The following FARP2 variants were observed in gnomAD, a reference collection of about 807,000 sequenced individuals.
FARP2 encodes FERM, ARH/RhoGEF and pleckstrin domain protein 2.
FARP2 carries 111 observed loss-of-function variants against 130.5 expected under a neutral mutation model. The observed-to-expected ratio is 0.85, with a 90% confidence interval of 0.73 to 1.00. FARP2 has a LOEUF of 1.00. Among genes scored for constraint, FARP2 ranks in the 50% least tolerant of loss-of-function variants. FARP2 has a pLI of 0.00. For synonymous variants in FARP2, 504 were observed against 516.9 expected, an observed-to-expected ratio of 0.98 and a Z score of 0.34; for missense variants, 1,385 against 1,346.3, an observed-to-expected ratio of 1.03 and a Z score of -0.45.
intron 2 of FARP2, among the ~76,000 whole-genome samples, chr2:241,382,923 A>ACTG (rs2061695011): frequency 6.6e-6 from 1 of 152,212 alleles, no homozygotes; most frequent in Admixed American, 6.5e-5. Flanking sequence ...TTTGAAGTTT[A>ACTG]AAAATAACTT....
chr2:241,413,982 G>T (rs1253853434), intron 7 of FARP2, among the ~76,000 whole-genome samples: 2 of 152,000 alleles, frequency 1.3e-5, no homozygotes, highest in African/African-American at 2.4e-5. Context: ...TCAGGGTCTG[G>T]GGGAGGAGGA....
intron 1 of FARP2, among the ~76,000 whole-genome samples, chr2:241,357,591 G>C (rs1173208551): frequency 2.0e-5 from 3 of 152,154 alleles, no homozygotes; most frequent in Non-Finnish European, 4.4e-5. Context: ...TTAAAGTAGA[G>C]GAAAGGGAGG....
At position 241,468,327 on chromosome 2, in the gene FARP2, G is replaced by T; in HGVS notation, c.2081G>T (p.Arg694Leu). Residue 694 changes from arginine to leucine, a missense_variant, in exon 18 of 27, where the codon CGC (arginine) becomes CTC (leucine). Transcript: ENST00000264042. ...RLLHYRLLLRRLCGHYSPGHH... is the reference protein window; with the variant it reads ...RLLHYRLLLRLLCGHYSPGHH... ...CTGCACTACCGCCTGCTGCTGCGCC[G>T]CCTATGCGGACATTACAGCCCCGGG... The T allele has an allele frequency of 6.2e-7, 1 of 1,613,500 alleles. No homozygotes were observed. Among genetic ancestry groups the T allele is most frequent in the Non-Finnish European group, 8.5e-7 (1 of 1,180,012 alleles).
chr2:241,371,495 G>A (rs1177445635), intron 1 of FARP2, among the ~76,000 whole-genome samples: 6 of 152,130 alleles, frequency 3.9e-5, no homozygotes, highest in Non-Finnish European at 7.4e-5. Context: ...AAAAATAGCC[G>A]GGGGTTCTTG....
chr2:241,457,925 A>G (rs2063905004), intron 14 of FARP2, among the ~76,000 whole-genome samples: 2 of 152,158 alleles, frequency 1.3e-5, no homozygotes, highest in South Asian at 4.1e-4. Flanking sequence ...TGGGCCACAG[A>G]CAGGGGTGAG....
At chr2:241,478,961 A>C in intron 19 of FARP2, 1 of 419,984 alleles carries the variant, frequency 2.4e-6, no homozygotes, top group Admixed American at 3.1e-5. Flanking sequence ...AAAGAAGGCC[A>C]AGATTTTGCA....
intron 19 of FARP2, among the ~76,000 whole-genome samples, chr2:241,477,041 T>C (rs2124862533): frequency 6.6e-6 from 1 of 151,870 alleles, no homozygotes; most frequent in East Asian, 1.9e-4. Flanking sequence ...GGGCATTTCA[T>C]AGAAATGGTA....
intron 17 of FARP2, chr2:241,466,678 C>A: frequency 1.2e-6 from 1 of 842,010 alleles, no homozygotes; most frequent in African/African-American, 2.0e-5. Context: ...GCCTTCACTC[C>A]CCTTCCAACC....
intron 7 of FARP2, among the ~76,000 whole-genome samples, chr2:241,415,753 G>A (rs904218865): frequency 6.6e-6 from 1 of 152,206 alleles, no homozygotes; most frequent in Admixed American, 6.5e-5. Context: ...TTTTAGGATA[G>A]TGGCCACAGC....
chr2:241,467,421 G>T (rs567433959), intron 17 of FARP2, among the ~76,000 whole-genome samples: 1 of 152,250 alleles, frequency 6.6e-6, no homozygotes, highest in African/African-American at 2.4e-5. Flanking sequence ...TGAGATGGGT[G>T]GATTGCTTAA....
intron 13 of FARP2, among the ~76,000 whole-genome samples, chr2:241,450,231 CAT>C (rs1301425061): frequency 2.0e-5 from 3 of 151,962 alleles, no homozygotes; most frequent in African/African-American, 7.3e-5. Flanking sequence ...GGCACAGTGA[CAT>C]GTGCCTGTGA....
intron 2 of FARP2, among the ~76,000 whole-genome samples, chr2:241,376,574 T>C (rs527534357): frequency 6.6e-6 from 1 of 152,350 alleles, no homozygotes; most frequent in South Asian, 2.1e-4. Flanking sequence ...GAGGCAGGCT[T>C]GTCCCGCCCC....
intron 1 of FARP2, among the ~76,000 whole-genome samples, chr2:241,364,789 C>G (rs2061267194): frequency 6.6e-6 from 1 of 152,162 alleles, no homozygotes; most frequent in East Asian, 1.9e-4. Context: ...TTCATTTTTT[C>G]TTGACAACTA....
chr2:241,481,063 A>G, intron 19 of FARP2, among the ~76,000 whole-genome samples: 1 of 107,716 alleles, frequency 9.3e-6, no homozygotes, highest in African/African-American at 3.6e-5. Context: ...TACCAAAAAA[A>G]AAAAAAAAAA....
In FARP2 at chr2:241,373,200, T is replaced by C; in HGVS notation, c.93T>C (p.Pro31=). 1.3e-6 allele frequency: 2 copies of C among 1,583,302 alleles called. No individual in the cohort carries two copies. The highest frequency in any genetic ancestry group is 1.7e-6 in the Non-Finnish European group (2 of 1,159,736). ...CTGTGGGAGTTAGCACCCTTGAGCC[T>C]GGGCAGACTCTCTTGCCCAGAATGC... ...QTPVGVSTLE[P]GQTLLPRMQE... Residue 31 remains proline, a synonymous_variant, in exon 2 of 27, where the codon CCT becomes CCC. Coordinates refer to ENST00000264042, the MANE Select transcript of FARP2 (RefSeq NM_014808.4).
At chr2:241,392,446 G>A (rs934989925) in intron 2 of FARP2, among the ~76,000 whole-genome samples, 1 of 152,188 alleles carries the variant, frequency 6.6e-6, no homozygotes, top group Non-Finnish European at 1.5e-5. Flanking sequence ...ATTTCATGTT[G>A]TACTGTTTCC....
chr2:241,459,460 C>T lies in FARP2; in HGVS notation c.1587+2538C>T, dbSNP rs3771581. 0.035 allele frequency among the ~76,000 whole-genome samples: 5,274 copies of T among 152,344 alleles called. 506 individuals carry two copies. Among genetic ancestry groups the T allele is most frequent in the Admixed American group, 0.19 (2,924 of 15,308 alleles). On this transcript the variant is annotated intron_variant, in intron 14 of 26. Coordinates refer to ENST00000264042, the MANE Select transcript of FARP2 (RefSeq NM_014808.4). This position sits in a 1 kb window ranked among gnomAD's most constrained non-coding sequence, Gnocchi z 5.3. ...GCAAAGAGCTGCCCACCCTCCAGCC[C>T]ACCCTCGCCAGCTGGTGCCCTCCTC...
In FARP2 at chr2:241,475,428, G is replaced by A. The variant is rs2064433092; in HGVS notation, c.2132-429G>A. On this transcript the variant is annotated intron_variant, in intron 18 of 26. Transcript: ENST00000264042. The surrounding 1 kb of genome is among the most constrained non-coding windows in gnomAD (Gnocchi z 4.4). ...GCCACACGGCAGGAGGTGAGTGGCG[G>A]GCAAGTGAAGCTTCTCTGTATTTAC... 6.6e-6 allele frequency among the ~76,000 whole-genome samples: 1 copy of A among 152,130 alleles called. No homozygotes were observed. Among genetic ancestry groups the A allele is most frequent in the South Asian group, 2.1e-4 (1 of 4,824 alleles).
chr2:241,360,042 C>G (rs987145019), intron 1 of FARP2, among the ~76,000 whole-genome samples: 2 of 152,168 alleles, frequency 1.3e-5, no homozygotes, highest in African/African-American at 4.8e-5. Context: ...CCAACTTCCT[C>G]TCTACCACCC....
Sources: allele counts gnomAD v4.1 joint callset (sites outside exome capture counted in the v4.1 genomes callset), GRCh38; gene constraint gnomAD v4.1.1; non-coding constraint Gnocchi (gnomAD v3.1); transcripts MANE v1.5; gene names NCBI Gene and HGNC (gene_info 2026-07-23, HGNC 2026-07-21).